SVEP1: variants seen among roughly 807,000 people sequenced by gnomAD.
The protein encoded by SVEP1 is sushi, von Willebrand factor type A, EGF and pentraxin domain containing 1.
Under a neutral mutation model 367.3 loss-of-function variants are expected in SVEP1, and 164 were observed. The ratio of observed to expected loss-of-function variants is 0.45; its 90% CI spans 0.39 to 0.51. The LOEUF (loss-of-function observed/expected upper bound fraction) is 0.51, where lower values mean the gene tolerates loss of function less well. SVEP1 is among the 20% of genes least tolerant of loss of function. The pLI, the probability that SVEP1 is intolerant of heterozygous loss-of-function variation, is 0.00. For missense variants in SVEP1, 4,117 were observed against 4,425.3 expected (o/e 0.93, Z 1.98); for synonymous variants, 1,666 against 1,611.6 (o/e 1.03, Z -0.81).
intron 23 of SVEP1, among the ~76,000 whole-genome samples, chr9:110,450,467 G>GTTTTTTTTTTTTT (rs10656079): frequency 9.8e-6 from 1 of 102,106 alleles, no homozygotes; most frequent in Non-Finnish European, 1.9e-5. Context: ...TTGATAATCT[G>GTTTTTTTTTTTTT]TTTTTTTTTT....
chr9:110,533,595 T>TGTGTGTGTGTGTGTGTGTGCACGCACAC (rs1830046869), intron 3 of SVEP1, among the ~76,000 whole-genome samples: 2 of 47,134 alleles, frequency 4.2e-5, no homozygotes, highest in Non-Finnish European at 1.0e-4. Context: ...TCTGTGTGTC[T>TGTGTGTGTGTGTGTGTGTGCACGCACAC]GTGTGTGTGT....
intron 27 of SVEP1, chr9:110,442,709 C>G (rs1439724630): frequency 1.3e-5 from 2 of 152,182 alleles, no homozygotes; most frequent in East Asian, 1.9e-4. Flanking sequence ...GTGATCCACC[C>G]TCCTCAGCCT....
chr9:110,379,083 A>T (rs1003673726), intron 44 of SVEP1, among the ~76,000 whole-genome samples: 2 of 152,172 alleles, frequency 1.3e-5, no homozygotes, highest in Non-Finnish European at 2.9e-5. Context: ...TTTATTATAA[A>T]AGTGTAAGTT....
At chr9:110,569,830 T>C (rs759064681) in intron 1 of SVEP1, among the ~76,000 whole-genome samples, 7 of 152,248 alleles carry the variant, frequency 4.6e-5, no homozygotes, top group Admixed American at 1.3e-4. Context: ...AATAACTATA[T>C]GCTCTGAACT....
chr9:110,468,921 A>C lies in SVEP1; in HGVS notation c.3160+19T>G. 6.6e-7 allele frequency: 1 copy of C among 1,517,450 alleles called. No homozygotes were observed. The highest frequency in any genetic ancestry group is 8.9e-7 in the Non-Finnish European group (1 of 1,126,084). The allele number at this position is 1,517,450 out of a possible 1,614,324, so 94.0% of individuals were successfully genotyped here. On this transcript the variant is annotated intron_variant, in intron 17 of 47. Coordinates refer to ENST00000374469, the MANE Select transcript of SVEP1 (RefSeq NM_153366.4). The stretch of plus-strand genomic sequence containing the variant: ...AAAAATTGGGCTGCTTCTAGTTGAA[A>C]TGTCCAGTAAGCCTCTACCTTTACA...
At chr9:110,400,593 C>T (rs1827843203) in intron 40 of SVEP1, among the ~76,000 whole-genome samples, 1 of 152,114 alleles carries the variant, frequency 6.6e-6, no homozygotes, top group Non-Finnish European at 1.5e-5. Context: ...TCTTGAACTT[C>T]TGACCTCAAG....
chr9:110,452,396 G>A (rs142101730), intron 22 of SVEP1, among the ~76,000 whole-genome samples: 20 of 152,274 alleles, frequency 1.3e-4, no homozygotes, highest in African/African-American at 4.8e-4. Flanking sequence ...AACACCAGGT[G>A]TCGCTAATAT....
intron 41 of SVEP1, 30 bp downstream of exon 41, chr9:110,389,494 T>C (rs762968803): frequency 1.2e-6 from 2 of 1,610,280 alleles, no homozygotes; most frequent in East Asian, 2.2e-5. Context: ...CAGTGTCATT[T>C]TGGGGGCTGC....
intron 15 of SVEP1, 34 bp downstream of exon 15, chr9:110,472,125 A>C (rs750617164): frequency 3.0e-5 from 47 of 1,583,748 alleles, no homozygotes; most frequent in Non-Finnish European, 4.0e-5. Context: ...ATTTTCCATT[A>C]TATTGCTTTT....
intron 38 of SVEP1, among the ~76,000 whole-genome samples, chr9:110,405,858 C>T (rs560908927): frequency 6.6e-5 from 10 of 152,290 alleles, no homozygotes; most frequent in South Asian, 4.1e-4. Flanking sequence ...AACAGCTTCA[C>T]GATTCCGGAG....
At chr9:110,384,923 T>C (rs12686142) in intron 43 of SVEP1, among the ~76,000 whole-genome samples, 1 of 151,970 alleles carries the variant, frequency 6.6e-6, no homozygotes, top group Non-Finnish European at 1.5e-5. Context: ...ACTGTAGAGG[T>C]AGTAGCTTGG....
chr9:110,369,894 AG>A (rs1334261989), intron 47 of SVEP1, 28 bp downstream of exon 47: 1 of 1,583,340 alleles, frequency 6.3e-7, no homozygotes, highest in Admixed American at 1.7e-5. Flanking sequence ...TTCATGTTAT[AG>A]GCGAACATTA....
At chr9:110,466,998 T>G (rs1828949216) in intron 17 of SVEP1, among the ~76,000 whole-genome samples, 1 of 152,156 alleles carries the variant, frequency 6.6e-6, no homozygotes, top group African/African-American at 2.4e-5. Context: ...TTTCTGCTTT[T>G]GACCTCCAAA....
chr9:110,376,839 G>T (rs1364710426), intron 45 of SVEP1: 1 of 152,898 alleles, frequency 6.5e-6, no homozygotes. Flanking sequence ...TTAATGAGTA[G>T]AAACTATTCT....
rs569121562 is a variant in SVEP1 at position 110,482,279 on chromosome 9, T to A, written c.2170+82A>T. 2.1e-4 allele frequency: 292 copies of A among 1,409,540 alleles called. 3 individuals are homozygous for A. In the South Asian group the frequency reaches 4.9e-3, roughly 24 times the overall value. The allele number at this position is 1,409,540 out of a possible 1,614,324, so 87.3% of individuals were successfully genotyped here. A position where few individuals can be genotyped will look rare whatever the true frequency, so the allele number is the denominator to read the frequency against. Reference sequence around the variant, plus strand: ...GTAAAAATCTAATGCTCATAGCCTATTTTCTTTCATAAAACAGAGCACTAT... The same window carrying A: ...GTAAAAATCTAATGCTCATAGCCTAATTTCTTTCATAAAACAGAGCACTAT... On this transcript the variant is annotated intron_variant, in intron 11 of 47. Transcript: ENST00000374469.
rs1828431830 is a variant in SVEP1, at chr9:110,436,474, T to G, written c.4670A>C (p.Gln1557Pro). The G allele has an allele frequency of 6.2e-7, 1 of 1,613,800 alleles. No individual in the cohort carries two copies. The highest frequency in any genetic ancestry group is 8.5e-7 in the Non-Finnish European group (1 of 1,179,856). The change falls in exon 28 of 48, where the codon CAA (glutamine) becomes CCA (proline). Residue 1557 changes from glutamine to proline, a missense_variant. Transcript: ENST00000374469. ...GGGALVLGQE[Q>P]DKKGEGFSPA... ...GCTGAATCCCTCTCCTTTTTTGTCT[T>G]GCTCTTGCCCCAGAACTAACGCACC...
At chr9:110,468,830 G>A (rs1213205301) in intron 17 of SVEP1, 110 bp downstream of exon 17, 3 of 1,052,820 alleles carry the variant, frequency 2.8e-6, no homozygotes, top group Non-Finnish European at 3.9e-6. Flanking sequence ...TTTGCCACAG[G>A]GGCCTCAGAC....
chr9:110,447,202 T>C (rs59712735), intron 24 of SVEP1, 145 bp from the exon 25 acceptor site: 109,716 of 707,884 alleles, frequency 0.15, 9,234 homozygotes, highest in African/African-American at 0.26. Context: ...CAGGTTACTT[T>C]TTCCAGTTCA....
At chr9:110,473,748 T>A (rs2010718759) in intron 14 of SVEP1, among the ~76,000 whole-genome samples, 1 of 152,172 alleles carries the variant, frequency 6.6e-6, no homozygotes, top group East Asian at 1.9e-4. Context: ...AAAATATGCA[T>A]CTCAAAATTT....
Sources: allele counts gnomAD v4.1 joint callset (sites outside exome capture counted in the v4.1 genomes callset), GRCh38; gene constraint gnomAD v4.1.1; transcripts MANE v1.5; gene names NCBI Gene and HGNC (gene_info 2026-07-23, HGNC 2026-07-21).